The following ZNF608 variants were observed in gnomAD, a reference collection of about 807,000 sequenced individuals.
ZNF608 encodes renal carcinoma antigen NY-REN-36.
ZNF608 carries 12 observed loss-of-function variants against 109.0 expected under a neutral mutation model. The ratio of observed to expected loss-of-function variants is 0.11; its 90% CI spans 0.07 to 0.18. ZNF608 has a LOEUF of 0.18. ZNF608 is among the 10% of genes least tolerant of loss of function. The pLI is 1.00. For missense variants in ZNF608, 1,707 were observed against 1,879.3 expected, an observed-to-expected ratio of 0.91 and a Z score of 1.70; for synonymous variants, 732 against 717.4, an observed-to-expected ratio of 1.02 and a Z score of -0.33.
intron 3 of ZNF608, among the ~76,000 whole-genome samples, chr5:124,693,780 G>C (rs1207662784): frequency 6.6e-6 from 1 of 151,852 alleles, no homozygotes; most frequent in South Asian, 2.1e-4. Flanking sequence ...TTCCCTCATC[G>C]GGAAAGCATA....
At chr5:124,714,115 C>T (rs970049384) in intron 2 of ZNF608, among the ~76,000 whole-genome samples, 4 of 151,842 alleles carry the variant, frequency 2.6e-5, no homozygotes, top group African/African-American at 7.2e-5. Context: ...ACGGAGCTGA[C>T]AAAGAAGTAA....
At chr5:124,710,208 G>C (rs1391854563) in intron 2 of ZNF608, 3 of 455,782 alleles carry the variant, frequency 6.6e-6, no homozygotes, top group African/African-American at 6.0e-5. Flanking sequence ...ATGATTTTAA[G>C]AAGAAAGAAA....
At position 124,746,475 on chromosome 5, in the gene ZNF608, T is replaced by C; in HGVS notation, c.-464A>G. On this transcript the variant is annotated 5_prime_UTR_variant, in exon 1 of 10. Transcript: ENST00000513986. ...ATTCACAACAGAAGCACCAAAGGTT[T>C]TTTTTTCCTCTTAACAAGCATCGAG... 1 of 985,300 alleles carries C rather than the reference T, an allele frequency of 1.0e-6. No individual in the cohort carries two copies. Among genetic ancestry groups the C allele is most frequent in the Non-Finnish European group, 1.2e-6 (1 of 829,900 alleles). The allele number at this position is 985,300 out of a possible 1,614,324, so 61.0% of individuals were successfully genotyped here. A position where few individuals can be genotyped will look rare whatever the true frequency, so the allele number is the denominator to read the frequency against.
chr5:124,682,735 GTGGAA>G (rs940931627), intron 3 of ZNF608, among the ~76,000 whole-genome samples: 1 of 152,256 alleles, frequency 6.6e-6, no homozygotes, highest in Non-Finnish European at 1.5e-5. Flanking sequence ...TTATTAACTT[GTGGAA>G]AAGAGTTGGA....
At chr5:124,697,358 GTTTGT>G (rs1752892018) in intron 3 of ZNF608, among the ~76,000 whole-genome samples, 1 of 151,700 alleles carries the variant, frequency 6.6e-6, no homozygotes, top group Non-Finnish European at 1.5e-5. Flanking sequence ...GTTTTTTCTG[GTTTGT>G]TTTGTTATTT....
chr5:124,745,182 G>A lies in ZNF608; in HGVS notation c.-183-10C>T, dbSNP rs561414014. 47 of 1,404,032 alleles carry A rather than the reference G, an allele frequency of 3.3e-5. No individual in the cohort carries two copies. The highest frequency in any genetic ancestry group is 5.8e-5 in the African/African-American group (4 of 68,906). The allele number at this position is 1,404,032 out of a possible 1,614,324, so 87.0% of individuals were successfully genotyped here. A position where few individuals can be genotyped will look rare whatever the true frequency, so the allele number is the denominator to read the frequency against. ...CCAGGTCCACCTTTTCCTGTGAAGG[G>A]GGGGGGAAAAGTCGAATATTTCTTG... On this transcript the variant is annotated splice_polypyrimidine_tract_variant and intron_variant, in intron 1 of 9. Coordinates refer to ENST00000513986, the MANE Select transcript of ZNF608 (RefSeq NM_020747.3).
At chr5:124,719,930 T>C (rs1753840303) in intron 2 of ZNF608, among the ~76,000 whole-genome samples, 1 of 152,198 alleles carries the variant, frequency 6.6e-6, no homozygotes, top group African/African-American at 2.4e-5. Flanking sequence ...GCACAGGCAT[T>C]CATTCTAAAC....
At chr5:124,736,695 C>A (rs536510656) in intron 2 of ZNF608, among the ~76,000 whole-genome samples, 1 of 152,288 alleles carries the variant, frequency 6.6e-6, no homozygotes, top group Admixed American at 6.5e-5. Flanking sequence ...AAAAGGTATA[C>A]CAAAAGCGGC....
At chr5:124,658,501 A>T (rs1751110216) in intron 3 of ZNF608, among the ~76,000 whole-genome samples, 1 of 152,210 alleles carries the variant, frequency 6.6e-6, no homozygotes, top group Non-Finnish European at 1.5e-5. Context: ...GCTTAGTGCC[A>T]CCAAACTAAG....
intron 2 of ZNF608, among the ~76,000 whole-genome samples, chr5:124,730,701 G>A (rs1451056500): frequency 6.6e-6 from 1 of 152,072 alleles, no homozygotes; most frequent in Non-Finnish European, 1.5e-5. Context: ...TTTTATATGG[G>A]CAACAAAAAG....
intron 2 of ZNF608, among the ~76,000 whole-genome samples, chr5:124,730,815 T>A (rs1561589379): frequency 1.3e-5 from 2 of 152,236 alleles, no homozygotes. Flanking sequence ...GCACTTACTC[T>A]CCATTCTTTA....
intron 2 of ZNF608, chr5:124,710,277 A>C (rs1245024716): frequency 2.2e-6 from 1 of 445,922 alleles, no homozygotes; most frequent in East Asian, 7.0e-5. Flanking sequence ...GATTTCTCTC[A>C]GCTTAACATC....
intron 2 of ZNF608, among the ~76,000 whole-genome samples, chr5:124,727,660 A>AG (rs1748671608): frequency 6.7e-6 from 1 of 149,566 alleles, no homozygotes; most frequent in Admixed American, 6.7e-5. Context: ...ACCAAAAAAA[A>AG]AAAAAAAAAA....
chr5:124,727,393 A>G (rs1336120356), intron 2 of ZNF608, among the ~76,000 whole-genome samples: 2 of 152,144 alleles, frequency 1.3e-5, no homozygotes, highest in African/African-American at 2.4e-5. Context: ...CTGCCCTCAC[A>G]GTATCTTTGT....
chr5:124,656,799 A>AACACACAC (rs35634231), intron 3 of ZNF608, among the ~76,000 whole-genome samples: 1,346 of 123,946 alleles, frequency 0.011, 17 homozygotes, highest in Middle Eastern at 0.013. Flanking sequence ...ATAAGCCCTA[A>AACACACAC]ACACACACAC....
chr5:124,677,567 T>C (rs1212324632), intron 3 of ZNF608, among the ~76,000 whole-genome samples: 1 of 152,182 alleles, frequency 6.6e-6, no homozygotes, highest in Non-Finnish European at 1.5e-5. Flanking sequence ...AATACAACTA[T>C]TACATATCCG....
intron 3 of ZNF608, among the ~76,000 whole-genome samples, chr5:124,668,118 G>A (rs1751555442): frequency 1.3e-5 from 2 of 151,074 alleles, no homozygotes; most frequent in Non-Finnish European, 2.9e-5. Context: ...TTGGGAGGCC[G>A]AGGCAGGAGG....
intron 3 of ZNF608, among the ~76,000 whole-genome samples, chr5:124,661,109 C>T (rs1751239345): frequency 6.6e-6 from 1 of 152,150 alleles, no homozygotes; most frequent in Admixed American, 6.5e-5. Flanking sequence ...CTAACCCATC[C>T]ATTGTTTAAA....
intron 2 of ZNF608, chr5:124,710,293 T>C (rs1345214041): frequency 9.2e-6 from 4 of 434,442 alleles, no homozygotes; most frequent in Non-Finnish European, 1.8e-5. Context: ...ACATCAGTCA[T>C]TTTTCTTACC....
Sources: gnomAD v4.1 joint callset for allele counts (sites outside exome capture counted in the v4.1 genomes callset) on GRCh38, gnomAD v4.1.1 for gene constraint, MANE v1.5 for transcripts, NCBI Gene and HGNC (gene_info 2026-07-23, HGNC 2026-07-21) for gene names.